APLP2: variants seen among roughly 807,000 people sequenced by gnomAD.
APLP2 encodes the protein CDEI box-binding protein.
A neutral mutation model predicts 89.9 loss-of-function variants in APLP2; 53 were observed. The ratio of observed to expected loss-of-function variants is 0.59; its 90% CI spans 0.47 to 0.74. APLP2 has a LOEUF of 0.74. APLP2 is among the 30% of genes least tolerant of loss of function. The probability of loss-of-function intolerance (pLI) is 0.00; values close to 1 mark genes in which losing one functional copy is unlikely to be tolerated. For missense variants in APLP2, 973 were observed against 975.9 expected (o/e 1.00, Z 0.04); for synonymous variants, 372 against 348.6 (o/e 1.07, Z -0.75).
In APLP2 at chr11:130,143,603, C is replaced by T. The variant is rs1275875631; in HGVS notation, c.*155C>T. On this transcript the variant is annotated 3_prime_UTR_variant, in exon 17 of 17. Coordinates refer to ENST00000338167, the MANE Select transcript of APLP2 (RefSeq NM_001142276.2). ...GACTATATAAAGTACTACTGTAGAA[C>T]TGCAATTTCCATTCTTTTAAATGGG... is the stretch of plus-strand genomic sequence containing the variant. 1 of 602,060 alleles carries T rather than the reference C, an allele frequency of 1.7e-6. No individual in the cohort carries two copies. The highest frequency in any genetic ancestry group is 3.0e-6 in the Non-Finnish European group (1 of 337,916). The allele number at this position is 602,060 out of a possible 1,614,324, so 37.3% of individuals were successfully genotyped here.
At chr11:130,084,010 G>A (rs1409122223) in intron 1 of APLP2, among the ~76,000 whole-genome samples, 1 of 152,192 alleles carries the variant, frequency 6.6e-6, no homozygotes. Flanking sequence ...ACTTTGGGAG[G>A]CCGAGGCAGG....
intron 1 of APLP2, among the ~76,000 whole-genome samples, chr11:130,083,448 T>TA (rs1017148490): frequency 2.6e-5 from 4 of 152,220 alleles, no homozygotes; most frequent in African/African-American, 7.2e-5. Context: ...CTCTAGAACT[T>TA]ATGCATCTTG....
In APLP2 at chr11:130,141,484, C is replaced by T. The variant is rs2136158854; in HGVS notation, c.1924-14C>T. 2 of 1,612,106 alleles carry T rather than the reference C, an allele frequency of 1.2e-6. No homozygotes were observed. The highest frequency in any genetic ancestry group is 1.7e-6 in the Non-Finnish European group (2 of 1,178,352). On this transcript the variant is annotated splice_polypyrimidine_tract_variant and intron_variant, in intron 14 of 16. Coordinates refer to ENST00000338167, the MANE Select transcript of APLP2 (RefSeq NM_001142276.2). This position sits in a 1 kb window ranked among gnomAD's most constrained non-coding sequence, Gnocchi z 4.2. ...CCCAGTTGCTTGCTGCCGACATTCT[C>T]ATGACTGTTTCAGGTCATTGACGAG...
At chr11:130,081,367 A>T (rs1441251250) in intron 1 of APLP2, among the ~76,000 whole-genome samples, 1 of 152,196 alleles carries the variant, frequency 6.6e-6, no homozygotes, top group African/African-American at 2.4e-5. Context: ...GTTATTGCAT[A>T]GGGATGTTGC....
intron 3 of APLP2, among the ~76,000 whole-genome samples, chr11:130,114,491 C>T (rs947242688): frequency 3.3e-5 from 5 of 152,348 alleles, no homozygotes; most frequent in South Asian, 4.1e-4. Context: ...ATGGTATCTA[C>T]ATTCATTTGT....
intron 1 of APLP2, among the ~76,000 whole-genome samples, chr11:130,092,570 G>A (rs377377741): frequency 1.0e-4 from 15 of 148,266 alleles, no homozygotes; most frequent in East Asian, 6.2e-4. Flanking sequence ...AACCAGTCAG[G>A]CGTGGCGGCG....
Position 130,141,887 on chromosome 11 carries a change from G to A in APLP2, c.1999-32G>A. On this transcript the variant is annotated intron_variant, in intron 15 of 16. Transcript: ENST00000338167. This position sits in a 1 kb window ranked among gnomAD's most constrained non-coding sequence, Gnocchi z 4.2. ...CCTCACGGCTGCCAGATGGTCACTG[G>A]GACTTTTTTCCACGTCTGCTTTATT... is the stretch of plus-strand genomic sequence containing the variant. 3 of 1,579,230 alleles carry A rather than the reference G, an allele frequency of 1.9e-6. No individual in the cohort carries two copies. The highest frequency in any genetic ancestry group is 2.6e-6 in the Non-Finnish European group (3 of 1,155,274).
At chr11:130,131,618 A>G (rs993691902) in intron 11 of APLP2, among the ~76,000 whole-genome samples, 3 of 152,332 alleles carry the variant, frequency 2.0e-5, no homozygotes, top group African/African-American at 4.8e-5. Flanking sequence ...AAACGCATGC[A>G]TCTTGACAGG....
intron 1 of APLP2, among the ~76,000 whole-genome samples, chr11:130,098,252 A>G (rs1056347249): frequency 3.9e-5 from 6 of 152,080 alleles, no homozygotes; most frequent in Non-Finnish European, 8.8e-5. Flanking sequence ...TAAAAATACA[A>G]AAATTAGCCG....
chr11:130,107,587 AT>A (rs1947949447), intron 1 of APLP2, among the ~76,000 whole-genome samples: 1 of 152,248 alleles, frequency 6.6e-6, no homozygotes, highest in African/African-American at 2.4e-5. Context: ...ATGGAAGAAC[AT>A]TCCATGCTCA....
intron 1 of APLP2, among the ~76,000 whole-genome samples, chr11:130,076,161 G>A (rs1259726377): frequency 6.6e-6 from 1 of 152,086 alleles, no homozygotes; most frequent in African/African-American, 2.4e-5. Flanking sequence ...TGCAACTTCC[G>A]CCTCCTGGGT....
intron 1 of APLP2, among the ~76,000 whole-genome samples, chr11:130,093,894 C>T (rs1945809021): frequency 6.6e-6 from 1 of 152,090 alleles, no homozygotes; most frequent in Admixed American, 6.5e-5. Context: ...CAGGCATGTG[C>T]CACCACGTCT....
At chr11:130,118,042 A>G (rs1019032638) in intron 3 of APLP2, among the ~76,000 whole-genome samples, 2 of 149,346 alleles carry the variant, frequency 1.3e-5, no homozygotes, top group African/African-American at 5.0e-5. Context: ...GCGCCACTGC[A>G]CTCCAGCCTG....
At chr11:130,090,395 G>C (rs558789894) in intron 1 of APLP2, among the ~76,000 whole-genome samples, 1 of 149,176 alleles carries the variant, frequency 6.7e-6, no homozygotes, top group Non-Finnish European at 1.5e-5. Flanking sequence ...GTTTTCCTAG[G>C]CAGAGGACCC....
At chr11:130,107,857 C>T (rs1948002440) in intron 1 of APLP2, among the ~76,000 whole-genome samples, 1 of 152,140 alleles carries the variant, frequency 6.6e-6, no homozygotes, top group South Asian at 2.1e-4. Flanking sequence ...GTACTGGTAC[C>T]AAAGCAGAAA....
At position 130,129,070 on chromosome 11, in the gene APLP2, C is replaced by CT; in HGVS notation, c.1322dup (p.Leu441PhefsTer8). The stretch of plus-strand genomic sequence containing the variant: ...TAGCACTTCCAAGCCATGGTTAAAG[C>CT]TTTAGAGAAGGAAGCAGCCAGTGAG... On this transcript the variant is annotated frameshift_variant, in exon 10 of 17. Coordinates refer to ENST00000338167, the MANE Select transcript of APLP2 (RefSeq NM_001142276.2). LOFTEE classifies it high-confidence loss of function. The CT allele has an allele frequency of 6.2e-7, 1 of 1,614,030 alleles. No homozygotes were observed. Among genetic ancestry groups the CT allele is most frequent in the Non-Finnish European group, 8.5e-7 (1 of 1,179,930 alleles).
intron 8 of APLP2, among the ~76,000 whole-genome samples, chr11:130,127,272 G>C (rs1377212149): frequency 6.6e-6 from 1 of 152,184 alleles, no homozygotes; most frequent in Middle Eastern, 3.2e-3. Context: ...GAGTCTCAGA[G>C]ATGTTTCTTT....
intron 3 of APLP2, among the ~76,000 whole-genome samples, chr11:130,119,046 C>T (rs1377770223): frequency 2.0e-5 from 3 of 152,206 alleles, no homozygotes; most frequent in African/African-American, 7.2e-5. Flanking sequence ...TCAGTGCTTG[C>T]GCCCGAGGCC....
chr11:130,076,547 A>G (rs954506223), intron 1 of APLP2, among the ~76,000 whole-genome samples: 1 of 152,186 alleles, frequency 6.6e-6, no homozygotes, highest in Non-Finnish European at 1.5e-5. Context: ...CCAGCACCAG[A>G]TACTCAATCA....
Sources: gnomAD v4.1 joint callset for allele counts (sites outside exome capture counted in the v4.1 genomes callset) on GRCh38, gnomAD v4.1.1 for gene constraint, Gnocchi (gnomAD v3.1) non-coding constraint, MANE v1.5 for transcripts, NCBI Gene and HGNC (gene_info 2026-07-23, HGNC 2026-07-21) for gene names.